Variants in NRXN3 observed in about 807,000 individuals in gnomAD.
NRXN3 encodes neurexin 3.
A neutral mutation model predicts 137.6 loss-of-function variants in NRXN3; 32 were observed. The observed-to-expected ratio is 0.23, with a 90% CI of 0.18 to 0.31. NRXN3 has a LOEUF of 0.31. Ranked by LOEUF, NRXN3 falls within the 10% of genes least tolerant of loss-of-function variation. NRXN3 has a pLI of 1.00. For synonymous variants in NRXN3, 798 were observed against 784.5 expected, an observed-to-expected ratio of 1.02 and a Z score of -0.29; for missense variants, 1,574 against 2,062.5, an observed-to-expected ratio of 0.76 and a Z score of 4.59.
intron 4 of NRXN3, among the ~76,000 whole-genome samples, chr14:78,344,610 C>T (rs921044205): frequency 4.6e-5 from 7 of 152,180 alleles, no homozygotes; most frequent in Non-Finnish European, 1.0e-4. Flanking sequence ...TGGCTGCTTT[C>T]GTTTGAGACT....
At position 79,296,334 on chromosome 14, in the gene NRXN3, T is replaced by C. The variant is rs1316893027; in HGVS notation, c.3263-170887T>C. ...TACCGTGGGGATTTAGAGGGGAAGA[T>C]GTCACAACCAATTAGGTCATTAAAA... On this transcript the variant is annotated intron_variant, in intron 15 of 20. Transcript: ENST00000335750. Among the ~76,000 whole-genome samples, 4 of 152,000 alleles carry C rather than the reference T, an allele frequency of 2.6e-5. No individual in the cohort carries two copies. In the East Asian group the frequency reaches 7.7e-4, roughly 29 times the overall value.
intron 15 of NRXN3, among the ~76,000 whole-genome samples, chr14:79,387,979 G>A (rs61993110): frequency 0.29 from 40,977 of 140,410 alleles, 6,555 homozygotes; most frequent in Admixed American, 0.36. Flanking sequence ...GGGAGGGATA[G>A]CATTAGGAGA....
chr14:79,289,786 A>G lies in NRXN3; in HGVS notation c.3263-177435A>G, dbSNP rs115616829. ...GAAAGATGCTTCCTGTCCTGGTTGG[A>G]TGTCACTTGCCAGAAGGCAGGAAAG... On this transcript the variant is annotated intron_variant, in intron 15 of 20. Transcript: ENST00000335750. Among the ~76,000 whole-genome samples, 351 of 152,250 alleles carry G rather than the reference A, an allele frequency of 2.3e-3. 3 individuals carry two copies. Among genetic ancestry groups the G allele is most frequent in the African/African-American group, 8.3e-3 (343 of 41,546 alleles).
Position 79,663,638 on chromosome 14 carries a change from G to T in NRXN3, c.3445-140G>T, listed in dbSNP as rs2098544951. ...GGATGAAAGCTCATGGAGAAATGTA[G>T]AATGCTATTATTATCTTATCTTCAT... On this transcript the variant is annotated intron_variant, in intron 16 of 20. Transcript: ENST00000335750. The T allele has an allele frequency of 1.0e-5, 7 of 703,268 alleles. No homozygotes were observed. In the South Asian group the frequency reaches 1.2e-4, roughly 12 times the overall value. 43.6% of individuals were successfully genotyped at this position (703,268 alleles called of 1,614,324 possible). A position where few individuals can be genotyped will look rare whatever the true frequency, so the allele number is the denominator to read the frequency against.
chr14:78,700,194 T>C lies in NRXN3; in HGVS notation c.1222-9023T>C, dbSNP rs547117483. 2.8e-4 allele frequency among the ~76,000 whole-genome samples: 43 copies of C among 152,344 alleles called. 1 individual carries two copies. The South Asian group carries it at 7.7e-3, about 27-fold the overall frequency. ...TGGTCTAGAGCTAAAGATACAGTGGTTATTTAGTACATTTACATGGGATTT... is the reference window on the plus strand; with the variant it reads ...TGGTCTAGAGCTAAAGATACAGTGGCTATTTAGTACATTTACATGGGATTT... On this transcript the variant is annotated intron_variant, in intron 6 of 20. Transcript: ENST00000335750.
intron 4 of NRXN3, among the ~76,000 whole-genome samples, chr14:78,479,170 A>C (rs2095430878): frequency 6.6e-6 from 1 of 152,170 alleles, no homozygotes; most frequent in Non-Finnish European, 1.5e-5. Flanking sequence ...CGAACTTTAA[A>C]AATTACCAAT....
rs558795104 is a variant in NRXN3, at chr14:78,999,745, G to A, written c.3262+11604G>A. Among the ~76,000 whole-genome samples, 41 of 152,212 alleles carry A rather than the reference G, an allele frequency of 2.7e-4. No homozygotes were observed. In the South Asian group the frequency reaches 7.1e-3, roughly 26 times the overall value. On this transcript the variant is annotated intron_variant, in intron 15 of 20. Coordinates refer to ENST00000335750, the MANE Select transcript of NRXN3 (RefSeq NM_001330195.2). ...TATAAAAGGGAAATGGTTTTACAGC[G>A]GATCATGGTTGGAGGGAAAACACCG...
chr14:79,435,296 T>G (rs1020492134), intron 15 of NRXN3, among the ~76,000 whole-genome samples: 3 of 136,864 alleles, frequency 2.2e-5, no homozygotes, highest in Non-Finnish European at 3.2e-5. Flanking sequence ...GGAGGAAATT[T>G]GCTCAAAAAA....
intron 8 of NRXN3, among the ~76,000 whole-genome samples, chr14:78,748,728 A>C (rs1199674060): frequency 1.3e-5 from 2 of 152,154 alleles, no homozygotes; most frequent in Non-Finnish European, 2.9e-5. Flanking sequence ...GAAGAGGAAA[A>C]GAGGGGAGTC....
At chr14:79,758,423 A>T (rs2099027262) in intron 19 of NRXN3, among the ~76,000 whole-genome samples, 2 of 152,042 alleles carry the variant, frequency 1.3e-5, no homozygotes, top group African/African-American at 4.8e-5. Flanking sequence ...AAGAGAGAGG[A>T]TAGGAGGTTC....
chr14:78,245,186 A>G (rs1053714827), intron 2 of NRXN3, among the ~76,000 whole-genome samples: 1 of 152,072 alleles, frequency 6.6e-6, no homozygotes, highest in Non-Finnish European at 1.5e-5. Flanking sequence ...GCCATCCCCT[A>G]CTGGTCTCTT....
chr14:79,289,191 C>G (rs1303917115), intron 15 of NRXN3, among the ~76,000 whole-genome samples: 1 of 152,220 alleles, frequency 6.6e-6, no homozygotes, highest in Non-Finnish European at 1.5e-5. Flanking sequence ...TCCTCTACTT[C>G]TCAGTCCTTC....
chr14:79,712,472 A>T (rs2098807954), intron 19 of NRXN3, among the ~76,000 whole-genome samples: 1 of 152,218 alleles, frequency 6.6e-6, no homozygotes, highest in South Asian at 2.1e-4. Flanking sequence ...TTGTTCCACA[A>T]CTATTCACCA....
At chr14:79,147,488 T>G (rs1160032043) in intron 15 of NRXN3, among the ~76,000 whole-genome samples, 2 of 152,160 alleles carry the variant, frequency 1.3e-5, no homozygotes, top group East Asian at 3.9e-4. Flanking sequence ...CCTATTTAAT[T>G]TCGCCCATTT....
intron 20 of NRXN3, among the ~76,000 whole-genome samples, chr14:79,808,110 C>T (rs575724666): frequency 4.6e-5 from 7 of 151,832 alleles, no homozygotes; most frequent in East Asian, 3.9e-4. Flanking sequence ...TGGTGGCAGG[C>T]GCCTGTAGTC....
At chr14:79,560,018 T>C (rs373069677) in intron 16 of NRXN3, among the ~76,000 whole-genome samples, 1 of 152,034 alleles carries the variant, frequency 6.6e-6, no homozygotes, top group African/African-American at 2.4e-5. Context: ...ATTCAAAATA[T>C]AAAAATGATT....
chr14:79,732,511 T>G (rs2098927745), intron 19 of NRXN3, among the ~76,000 whole-genome samples: 1 of 152,122 alleles, frequency 6.6e-6, no homozygotes, highest in African/African-American at 2.4e-5. Flanking sequence ...AAGAAAAAAT[T>G]TAATTTGCAA....
chr14:79,765,570 C>T (rs2099053122), intron 19 of NRXN3, among the ~76,000 whole-genome samples: 1 of 152,160 alleles, frequency 6.6e-6, no homozygotes, highest in Non-Finnish European at 1.5e-5. Context: ...CCTAGCAATG[C>T]CTTCACCGTG....
chr14:78,701,365 G>T (rs754005974), intron 6 of NRXN3, among the ~76,000 whole-genome samples: 15 of 152,176 alleles, frequency 9.9e-5, no homozygotes, highest in Non-Finnish European at 2.1e-4. Context: ...GTAATGACTC[G>T]CATTATCAGC....
Sources: allele counts gnomAD v4.1 joint callset (sites outside exome capture counted in the v4.1 genomes callset), GRCh38; gene constraint gnomAD v4.1.1; transcripts MANE v1.5; gene names NCBI Gene and HGNC (gene_info 2026-07-23, HGNC 2026-07-21).